RGS8: variants seen among roughly 807,000 people sequenced by gnomAD.
The protein encoded by RGS8 is regulator of G-protein signaling 8.
RGS8 carries 8 observed loss-of-function variants against 21.7 expected under a neutral mutation model. That is an observed-to-expected ratio of 0.37 (90% confidence interval 0.22 to 0.66). RGS8 has a LOEUF of 0.66. Ranked by LOEUF, RGS8 falls within the 30% of genes least tolerant of loss-of-function variation. The pLI is 0.59. For synonymous variants in RGS8, 80 were observed against 83.6 expected (o/e 0.96, Z 0.24); for missense variants, 157 against 217.9 (o/e 0.72, Z 1.76).
chr1:182,689,746 C>T, the RGS8 span, among the ~76,000 whole-genome samples: 4 of 152,112 alleles, frequency 2.6e-5, no homozygotes, highest in African/African-American at 9.7e-5. Context: ...TGAACTCCAC[C>T]ATATGGAACA....
upstream of RGS8, among the ~76,000 whole-genome samples, chr1:182,675,544 T>C (rs1340529410): frequency 6.6e-6 from 1 of 152,184 alleles, no homozygotes; most frequent in Non-Finnish European, 1.5e-5. Flanking sequence ...TGCACCTCCT[T>C]GTCCTGCCTG....
chr1:182,665,946 G>GTAGA (rs752942762), intron 5 of RGS8, 23 bp downstream of exon 6: 18 of 1,596,168 alleles, frequency 1.1e-5, no homozygotes, highest in Non-Finnish European at 1.5e-5. Context: ...GCCATGTCAT[G>GTAGA]ATACGACCTG....
the RGS8 span, among the ~76,000 whole-genome samples, chr1:182,694,580 G>A: frequency 6.6e-6 from 1 of 152,222 alleles, no homozygotes; most frequent in African/African-American, 2.4e-5. Context: ...GCCGAGGTGG[G>A]AAGATCAGTT....
the RGS8 span, among the ~76,000 whole-genome samples, chr1:182,727,082 G>A: frequency 6.6e-6 from 1 of 152,110 alleles, no homozygotes; most frequent in African/African-American, 2.4e-5. Flanking sequence ...AACTTTTAGT[G>A]GTTGCTTCCC....
rs550618115 is a variant in RGS8, at chr1:182,658,464, T to G, written c.193+7505A>C. ...GCTGTCCTAAAAACCAGAGTCCTCTTGTATCCCCGAACAACTGGAGAAAAT... is the reference window on the plus strand; with the variant it reads ...GCTGTCCTAAAAACCAGAGTCCTCTGGTATCCCCGAACAACTGGAGAAAAT... On this transcript the variant is annotated intron_variant, in intron 5 of 6. Coordinates refer to ENST00000483095, the Ensembl canonical transcript of RGS8. 4 of 152,318 alleles carry G rather than the reference T, an allele frequency of 2.6e-5. No individual in the cohort carries two copies. The South Asian group carries it at 8.3e-4, about 32-fold the overall frequency. The allele number at this position is 152,318 out of a possible 1,614,324, so 9.4% of individuals were successfully genotyped here. A position where few individuals can be genotyped will look rare whatever the true frequency, so the allele number is the denominator to read the frequency against.
chr1:182,660,741 T>C (rs1663544486), intron 5 of RGS8, among the ~76,000 whole-genome samples: 3 of 151,444 alleles, frequency 2.0e-5, no homozygotes, highest in Non-Finnish European at 2.9e-5. Context: ...TTTACTCATG[T>C]GCCTTTGAGA....
chr1:182,712,241 G>A, the RGS8 span, among the ~76,000 whole-genome samples: 2 of 152,212 alleles, frequency 1.3e-5, no homozygotes, highest in Non-Finnish European at 1.5e-5. Flanking sequence ...ACACATCCAT[G>A]AAGTACCCAT....
the RGS8 span, among the ~76,000 whole-genome samples, chr1:182,731,804 C>T: frequency 6.6e-6 from 1 of 152,228 alleles, no homozygotes; most frequent in Admixed American, 6.5e-5. Flanking sequence ...TGAAAAACAG[C>T]AGTATAATAG....
At chr1:182,646,619 G>T in exon 7 of RGS8, 1 of 906,626 alleles carries the variant, frequency 1.1e-6, no homozygotes. Flanking sequence ...CTCACCCCCA[G>T]CCTCCCACCC....
the RGS8 span, among the ~76,000 whole-genome samples, chr1:182,702,346 G>A: frequency 1.6e-3 from 246 of 152,226 alleles, no homozygotes; most frequent in African/African-American, 5.5e-3. Flanking sequence ...GGGTACTCAC[G>A]GAAATAAAGA....
upstream of RGS8, among the ~76,000 whole-genome samples, chr1:182,674,667 A>G (rs537701823): frequency 6.6e-6 from 1 of 152,322 alleles, no homozygotes; most frequent in South Asian, 2.1e-4. Flanking sequence ...CTTTCCTGAA[A>G]CAAATAAACA....
exon 3 of RGS8, chr1:182,669,694 C>T (rs773233083): frequency 1.8e-5 from 29 of 1,613,762 alleles, no homozygotes; most frequent in Admixed American, 1.7e-4. Flanking sequence ...TATGCAGGGA[C>T]GTCAGGGCAG....
the RGS8 span, among the ~76,000 whole-genome samples, chr1:182,748,138 TTA>T: frequency 6.6e-5 from 10 of 152,346 alleles, no homozygotes; most frequent in East Asian, 1.9e-3. Flanking sequence ...TTCAATCTCT[TTA>T]TGTTTATCAA....
At chr1:182,696,804 G>A in the RGS8 span, among the ~76,000 whole-genome samples, 1 of 152,142 alleles carries the variant, frequency 6.6e-6, no homozygotes, top group Admixed American at 6.5e-5. Context: ...AGCTGATTTG[G>A]CTTATCTGGG....
the RGS8 span, among the ~76,000 whole-genome samples, chr1:182,706,452 A>G: frequency 2.0e-5 from 3 of 152,092 alleles, no homozygotes; most frequent in African/African-American, 7.2e-5. Context: ...TTCCTCATCC[A>G]TGGGCTAACT....
the RGS8 span, among the ~76,000 whole-genome samples, chr1:182,715,020 C>T: frequency 2.0e-5 from 3 of 152,114 alleles, no homozygotes; most frequent in African/African-American, 4.8e-5. Context: ...TTTCAATGCG[C>T]CATAATCTTT....
chr1:182,689,752 G>C, the RGS8 span, among the ~76,000 whole-genome samples: 5 of 152,118 alleles, frequency 3.3e-5, no homozygotes, highest in African/African-American at 1.2e-4. Context: ...CCACCATATG[G>C]AACAATTTAT....
the RGS8 span, among the ~76,000 whole-genome samples, chr1:182,711,216 G>A: frequency 6.6e-6 from 1 of 152,116 alleles, no homozygotes; most frequent in African/African-American, 2.4e-5. Flanking sequence ...CCTTTTTCAG[G>A]GAACACTTGA....
At chr1:182,644,210 G>C (rs1253494672), downstream of RGS8, 1 of 152,246 alleles carries the variant, frequency 6.6e-6, no homozygotes, top group East Asian at 1.9e-4. Flanking sequence ...CAGAGTGCCT[G>C]AAAGTAGGCA....
Sources: allele counts gnomAD v4.1 joint callset (sites outside exome capture counted in the v4.1 genomes callset), GRCh38; gene constraint gnomAD v4.1.1; transcripts MANE v1.5; gene names NCBI Gene and HGNC (gene_info 2026-07-23, HGNC 2026-07-21).